The following CUL4B variants were observed in gnomAD, a reference collection of about 807,000 sequenced individuals.
The protein encoded by CUL4B is cullin-4B.
In CUL4B, 1 loss-of-function variant was observed where a neutral mutation model predicts 69.2. The ratio of observed to expected loss-of-function variants is 0.01; its 90% confidence interval spans 0.01 to 0.07. The LOEUF (loss-of-function observed/expected upper bound fraction) is 0.07. Among genes scored for constraint, CUL4B ranks in the 10% least tolerant of loss-of-function variants. The pLI is 1.00. For missense variants in CUL4B, 328 were observed against 638.8 expected, an observed-to-expected ratio of 0.51 and a Z score of 5.24; for synonymous variants, 237 against 223.2, an observed-to-expected ratio of 1.06 and a Z score of -0.55.
At chrX:120,575,362 A>G (rs950753848) in intron 1 of CUL4B, 1 of 112,302 alleles carries the variant, frequency 8.9e-6, no homozygotes, top group Non-Finnish European at 1.9e-5. Flanking sequence ...CCTAAACAAG[A>G]TCCTCCCCAC....
chrX:120,538,854 C>G (rs1923820001), intron 12 of CUL4B, 84 bp from the exon 13 acceptor site: 1 of 564,255 alleles, frequency 1.8e-6, no homozygotes, highest in Non-Finnish European at 3.0e-6. Context: ...ATAAAGCACA[C>G]CATTATTCCA....
chrX:120,561,284 TG>T, upstream of CUL4B: 1 of 535,114 alleles, frequency 1.9e-6, no homozygotes, highest in South Asian at 2.4e-5. Context: ...TCCCCTTTCC[TG>T]GCAGCGCCTT....
At chrX:120,563,740 A>G (rs1340302786), upstream of CUL4B, among the ~76,000 whole-genome samples, 1 of 112,367 alleles carries the variant, frequency 8.9e-6, no homozygotes, top group Non-Finnish European at 1.9e-5. Flanking sequence ...TTTAATGAAC[A>G]AGGTTGTTCT....
intron 18 of CUL4B, 92 bp from the exon 19 acceptor site, chrX:120,530,346 T>A (rs866134394): frequency 1.1e-6 from 1 of 873,479 alleles, no homozygotes; most frequent in African/African-American, 2.0e-5. Context: ...GACATTGTTA[T>A]TGCTTTAAAG....
chrX:120,568,233 A>G (rs1039894304), downstream of CUL4B, among the ~76,000 whole-genome samples: 1 of 111,499 alleles, frequency 9.0e-6, no homozygotes, highest in East Asian at 2.8e-4. Flanking sequence ...CCAACCAGGA[A>G]GGAAAGATTT....
intron 19 of CUL4B, among the ~76,000 whole-genome samples, chrX:120,529,123 C>T (rs1217897357): frequency 9.0e-6 from 1 of 111,597 alleles, no homozygotes; most frequent in Admixed American, 9.5e-5. Flanking sequence ...ATATTAACTA[C>T]AGCGATCCCC....
intron 2 of CUL4B, among the ~76,000 whole-genome samples, chrX:120,572,216 C>T (rs1925729184): frequency 9.1e-6 from 1 of 109,547 alleles, no homozygotes; most frequent in Non-Finnish European, 1.9e-5. Flanking sequence ...GTAATCCCAG[C>T]ACTTTAGGAG....
At chrX:120,560,974 GCTC>G, upstream of CUL4B, 4 of 753,606 alleles carry the variant, frequency 5.3e-6, no homozygotes, top group Non-Finnish European at 6.3e-6. Context: ...TGAGGCTGCA[GCTC>G]CTCCTCCTTT....
rs1169758345 is a variant in CUL4B, at chrX:120,524,071, A to G, written c.*2690T>C. Among the ~76,000 whole-genome samples the G allele has an allele frequency of 1.8e-5, 2 of 111,286 alleles. No homozygotes were observed. The highest frequency in any genetic ancestry group is 3.3e-5 in the African/African-American group (1 of 30,658). Reference sequence around the variant, plus strand: ...TCTTTAGATCCAGATGCCCAGATAAACTGGTTTTCTGAACTGTACACTCAC... The same window carrying G: ...TCTTTAGATCCAGATGCCCAGATAAGCTGGTTTTCTGAACTGTACACTCAC... On this transcript the variant is annotated 3_prime_UTR_variant, in exon 20 of 20. Transcript: ENST00000371322.
At chrX:120,565,459 G>A (rs1341784235), upstream of CUL4B, among the ~76,000 whole-genome samples, 1 of 108,604 alleles carries the variant, frequency 9.2e-6, no homozygotes, top group Non-Finnish European at 1.9e-5. Flanking sequence ...CAGAGTGGGT[G>A]GATCACTTGG....
chrX:120,531,467 T>A (rs1422570486), intron 18 of CUL4B, among the ~76,000 whole-genome samples: 1 of 108,159 alleles, frequency 9.2e-6, no homozygotes. Flanking sequence ...TTTTGTTTTT[T>A]TTTTCTTTTT....
intron 19 of CUL4B, among the ~76,000 whole-genome samples, chrX:120,527,347 C>T (rs1297247782): frequency 5.4e-5 from 6 of 111,350 alleles, no homozygotes; most frequent in Non-Finnish European, 9.4e-5. Context: ...GATGAGCCAC[C>T]GTGCCCAGGT....
intron 18 of CUL4B, among the ~76,000 whole-genome samples, chrX:120,530,463 G>A (rs1477181554): frequency 8.9e-6 from 1 of 112,173 alleles, no homozygotes; most frequent in Admixed American, 9.5e-5. Context: ...TACCAATGAA[G>A]TAATGCTAAT....
chrX:120,530,932 A>C (rs6603633), intron 18 of CUL4B, among the ~76,000 whole-genome samples: 6,366 of 111,834 alleles, frequency 0.057, 480 homozygotes, highest in African/African-American at 0.2. Flanking sequence ...ATGTTTTAAA[A>C]GTAAGGACAT....
upstream of CUL4B, chrX:120,561,297 CT>C (rs1216155598): frequency 2.9e-5 from 16 of 543,405 alleles, no homozygotes; most frequent in African/African-American, 3.7e-4. Flanking sequence ...CAGCGCCTTC[CT>C]TCCCTGGCCC....
At chrX:120,550,574 T>C (rs1924628393) in intron 2 of CUL4B, among the ~76,000 whole-genome samples, 1 of 111,389 alleles carries the variant, frequency 9.0e-6, no homozygotes, top group Non-Finnish European at 1.9e-5. Flanking sequence ...TTAGTGGAAA[T>C]AGTGAGAAAT....
Position 120,526,095 on chromosome X carries a change from C to T in CUL4B, c.*666G>A, listed in dbSNP as rs1349947843. 2 of 112,203 alleles carry T rather than the reference C, an allele frequency of 1.8e-5. No individual in the cohort carries two copies. The highest frequency in any genetic ancestry group is 3.8e-5 in the Non-Finnish European group (2 of 53,320). The allele number at this position is 112,203 out of a possible 1,213,427, so 9.2% of individuals were successfully genotyped here. On this transcript the variant is annotated 3_prime_UTR_variant, in exon 20 of 20. Coordinates refer to ENST00000371322, the MANE Select transcript of CUL4B (RefSeq NM_001079872.2). ...GGGGCTAAGCCATATACACACATCC[C>T]ATACTCATAAATGAAAATTTTTAGG...
chrX:120,533,854 T>A (rs1048275322), intron 17 of CUL4B, among the ~76,000 whole-genome samples: 3 of 109,099 alleles, frequency 2.7e-5, no homozygotes, highest in Non-Finnish European at 5.7e-5. Context: ...GATCACGAGG[T>A]CAGGAGTTCG....
intron 2 of CUL4B, among the ~76,000 whole-genome samples, chrX:120,555,155 A>G (rs1443884459): frequency 8.9e-6 from 1 of 112,411 alleles, no homozygotes; most frequent in Non-Finnish European, 1.9e-5. Flanking sequence ...CAAGAAAACA[A>G]AAACAAGAGA....
Sources: gnomAD v4.1 joint callset for allele counts (sites outside exome capture counted in the v4.1 genomes callset) on GRCh38, gnomAD v4.1.1 for gene constraint, MANE v1.5 for transcripts, NCBI Gene and HGNC (gene_info 2026-07-23, HGNC 2026-07-21) for gene names.